The following PCSK2 variants were observed in gnomAD, a reference collection of about 807,000 sequenced individuals.
PCSK2 encodes proprotein convertase subtilisin/kexin type 2.
Under a neutral mutation model 69.7 loss-of-function variants are expected in PCSK2, and 14 were observed. That is an observed-to-expected ratio of 0.20 (90% CI 0.13 to 0.31). The LOEUF (loss-of-function observed/expected upper bound fraction) is 0.31. PCSK2 is among the 10% of genes least tolerant of loss of function. PCSK2 has a pLI of 1.00. For synonymous variants in PCSK2, 307 were observed against 320.7 expected (o/e 0.96, Z 0.46); for missense variants, 544 against 842.5 (o/e 0.65, Z 4.39).
chr20:17,387,461 G>A (rs1434087098), intron 5 of PCSK2, among the ~76,000 whole-genome samples: 1 of 152,192 alleles, frequency 6.6e-6, no homozygotes, highest in Non-Finnish European at 1.5e-5. Context: ...ACCAGGGCTG[G>A]AGGATCGACT....
intron 2 of PCSK2, among the ~76,000 whole-genome samples, chr20:17,311,005 A>AAAC (rs1160791672): frequency 6.6e-6 from 1 of 150,986 alleles, no homozygotes; most frequent in Non-Finnish European, 1.5e-5. Context: ...CCGTCTCAAA[A>AAAC]AAAAAAAAAA....
chr20:17,311,310 GA>G (rs796544012), intron 2 of PCSK2, among the ~76,000 whole-genome samples: 25 of 152,040 alleles, frequency 1.6e-4, no homozygotes, highest in African/African-American at 5.5e-4. Flanking sequence ...TCCTGTTTCC[GA>G]AAAAAATTCA....
At chr20:17,435,866 C>A (rs1385942816) in intron 7 of PCSK2, among the ~76,000 whole-genome samples, 3 of 152,172 alleles carry the variant, frequency 2.0e-5, no homozygotes, top group Admixed American at 2.0e-4. Flanking sequence ...ACTGAGATCC[C>A]CCTGGAGAGG....
chr20:17,415,514 C>T (rs2031979359), intron 6 of PCSK2, among the ~76,000 whole-genome samples: 1 of 152,062 alleles, frequency 6.6e-6, no homozygotes, highest in South Asian at 2.1e-4. Context: ...GAACAATAAA[C>T]TGCTGCTCAA....
At chr20:17,478,279 T>C (rs1312889028) in intron 11 of PCSK2, among the ~76,000 whole-genome samples, 1 of 152,214 alleles carries the variant, frequency 6.6e-6, no homozygotes, top group Non-Finnish European at 1.5e-5. Flanking sequence ...GAACAATTGC[T>C]AAAAGGAACT....
intron 2 of PCSK2, among the ~76,000 whole-genome samples, chr20:17,288,182 G>A (rs2123060459): frequency 6.6e-6 from 1 of 152,318 alleles, no homozygotes; most frequent in Admixed American, 6.5e-5. Flanking sequence ...CCTTCTCATG[G>A]AGGATGACTC....
In PCSK2 at chr20:17,353,938, A is replaced by G. The variant is rs147880091; in HGVS notation, c.283-4389A>G. 3.0e-4 allele frequency among the ~76,000 whole-genome samples: 46 copies of G among 152,296 alleles called. No homozygotes were observed. The East Asian group carries it at 8.3e-3, about 27-fold the overall frequency. On this transcript the variant is annotated intron_variant, in intron 2 of 11. Transcript: ENST00000262545. ...CAGGAGTCCTCACTTATAAGTGGGA[A>G]CTAAACATTAGGTACACATGGGCAT...
At chr20:17,441,315 C>A (rs1459404681) in intron 8 of PCSK2, among the ~76,000 whole-genome samples, 1 of 152,148 alleles carries the variant, frequency 6.6e-6, no homozygotes, top group Admixed American at 6.5e-5. Context: ...GGTCAGAGGC[C>A]AGTCAGATGG....
At chr20:17,427,743 G>T (rs1016271621) in intron 6 of PCSK2, among the ~76,000 whole-genome samples, 2 of 152,178 alleles carry the variant, frequency 1.3e-5, no homozygotes, top group African/African-American at 2.4e-5. Context: ...GCAGGTTGCT[G>T]GGGGCTGATT....
intron 2 of PCSK2, among the ~76,000 whole-genome samples, chr20:17,306,336 A>C (rs923589017): frequency 6.6e-6 from 1 of 152,132 alleles, no homozygotes; most frequent in Admixed American, 6.6e-5. Context: ...AAAAAAACGC[A>C]TAAAAATAAG....
chr20:17,354,937 G>A (rs913483050), intron 2 of PCSK2, among the ~76,000 whole-genome samples: 1 of 152,126 alleles, frequency 6.6e-6, no homozygotes, highest in Non-Finnish European at 1.5e-5. Context: ...TGTGTAACAA[G>A]TGAAAGCATA....
Position 17,414,124 on chromosome 20 carries a change from T to C in PCSK2, c.620+4785T>C, listed in dbSNP as rs142274930. The stretch of plus-strand genomic sequence containing the variant: ...ACCCTAACATCACAATTAAAAGAAC[T>C]AGAGAAGCGACAGTGAACAAATTCA... On this transcript the variant is annotated intron_variant, in intron 6 of 11. Coordinates refer to ENST00000262545, the MANE Select transcript of PCSK2 (RefSeq NM_002594.5). Among the ~76,000 whole-genome samples the C allele has an allele frequency of 9.8e-3, 1,484 of 152,194 alleles. 61 individuals carry two copies. Among genetic ancestry groups the C allele is most frequent in the Admixed American group, 0.066 (1,008 of 15,282 alleles).
At chr20:17,412,867 G>T (rs1242443782) in intron 6 of PCSK2, among the ~76,000 whole-genome samples, 4 of 152,160 alleles carry the variant, frequency 2.6e-5, no homozygotes, top group Admixed American at 1.3e-4. Context: ...GGAGAGTGGG[G>T]ACCAATATTC....
intron 2 of PCSK2, among the ~76,000 whole-genome samples, chr20:17,266,509 G>T (rs997637666): frequency 4.6e-5 from 7 of 152,140 alleles, no homozygotes; most frequent in Non-Finnish European, 8.8e-5. Context: ...CCATGCATAA[G>T]TTCCACTTTG....
intron 6 of PCSK2, among the ~76,000 whole-genome samples, chr20:17,421,638 G>A (rs763205913): frequency 6.6e-6 from 1 of 151,946 alleles, no homozygotes; most frequent in Non-Finnish European, 1.5e-5. Flanking sequence ...AGCCTCATGT[G>A]CATGAACTTA....
intron 6 of PCSK2, 136 bp from the exon 7 acceptor site, chr20:17,429,299 C>A: frequency 1.5e-6 from 1 of 677,584 alleles, no homozygotes; most frequent in Non-Finnish European, 2.7e-6. Flanking sequence ...AAGGGCTGAC[C>A]TCTTCAGTGA....
intron 2 of PCSK2, among the ~76,000 whole-genome samples, chr20:17,308,674 C>T (rs889497313): frequency 1.3e-5 from 2 of 152,106 alleles, no homozygotes; most frequent in African/African-American, 2.4e-5. Flanking sequence ...TAATTTAAAC[C>T]GAGTTCAGCT....
chr20:17,479,405 G>T, intron 11 of PCSK2: 1 of 649,918 alleles, frequency 1.5e-6, no homozygotes, highest in East Asian at 3.1e-5. Flanking sequence ...GGCCAACCTC[G>T]TCGCAGTGGC....
rs150232995 is a variant in PCSK2 at position 17,263,941 on chromosome 20, T to G, written c.282+3597T>G. ...AACATCAGGGTCAAAAACAAATATTTTATGCCCAAAAGCTCTGTAAGATTT... is the reference window on the plus strand; with the variant it reads ...AACATCAGGGTCAAAAACAAATATTGTATGCCCAAAAGCTCTGTAAGATTT... On this transcript the variant is annotated intron_variant, in intron 2 of 11. Transcript: ENST00000262545. 8.7e-4 allele frequency among the ~76,000 whole-genome samples: 133 copies of G among 152,290 alleles called. 2 individuals carry two copies. Among genetic ancestry groups the G allele is most frequent in the Non-Finnish European group, 1.2e-3 (85 of 68,012 alleles).
Sources: gnomAD v4.1 joint callset for allele counts (sites outside exome capture counted in the v4.1 genomes callset) on GRCh38, gnomAD v4.1.1 for gene constraint, MANE v1.5 for transcripts, NCBI Gene and HGNC (gene_info 2026-07-23, HGNC 2026-07-21) for gene names.